PLB1: variants seen among roughly 807,000 people sequenced by gnomAD.
PLB1 encodes phospholipase B1, also known as phospholipase B1, membrane-associated.
A neutral mutation model predicts 227.4 loss-of-function variants in PLB1; 242 were observed. That is an observed-to-expected ratio of 1.06 (90% CI 0.96 to 1.18). The LOEUF is 1.18. Ranked by LOEUF, PLB1 falls within the 50% of genes most tolerant of loss-of-function variation. The pLI, the probability that PLB1 is intolerant of heterozygous loss-of-function variation, is 0.00. For synonymous variants in PLB1, 757 were observed against 682.2 expected (o/e 1.11, Z -1.71); for missense variants, 1,858 against 1,816.3 (o/e 1.02, Z -0.42).
chr2:28,503,725 A>G (rs752878557), intron 1 of PLB1, among the ~76,000 whole-genome samples: 10 of 152,078 alleles, frequency 6.6e-5, no homozygotes, highest in Non-Finnish European at 1.2e-4. Context: ...CGCAGTCTGG[A>G]CTTCTTTACA....
chr2:28,638,120 C>T (rs529288309), intron 56 of PLB1, among the ~76,000 whole-genome samples: 1 of 151,950 alleles, frequency 6.6e-6, no homozygotes, highest in East Asian at 1.9e-4. Flanking sequence ...GACTGCTACT[C>T]TCATGGGACA....
chr2:28,544,705 G>A (rs950317452), intron 14 of PLB1, among the ~76,000 whole-genome samples: 3 of 152,176 alleles, frequency 2.0e-5, no homozygotes, highest in African/African-American at 7.2e-5. Context: ...CATGAAGAGG[G>A]GATTTGAATG....
At position 28,547,777 on chromosome 2, in the gene PLB1, C is replaced by G. The variant is rs1673524467; in HGVS notation, c.937-1083C>G. On this transcript the variant is annotated intron_variant, in intron 14 of 57. Coordinates refer to ENST00000327757, the MANE Select transcript of PLB1 (RefSeq NM_153021.5). ...GCCCGTGCAGAAGAAAATCTGCAAT[C>G]CCTCCAAGCTATTGCATTTTTCTTT... Among the ~76,000 whole-genome samples the G allele has an allele frequency of 2.6e-5, 4 of 152,152 alleles. No individual in the cohort carries two copies. The South Asian group carries it at 8.3e-4, about 32-fold the overall frequency.
intron 46 of PLB1, 116 bp downstream of exon 46, chr2:28,618,515 G>T: frequency 9.3e-7 from 1 of 1,070,496 alleles, no homozygotes; most frequent in Non-Finnish European, 1.4e-6. Flanking sequence ...TGTTACTGAG[G>T]GCCTACCCAT....
chr2:28,538,927 C>T (rs1409951822), intron 10 of PLB1, among the ~76,000 whole-genome samples, 172 bp from the exon 11 acceptor site: 1 of 152,044 alleles, frequency 6.6e-6, no homozygotes, highest in Non-Finnish European at 1.5e-5. Flanking sequence ...GCAGGGCTGG[C>T]AGCGCAGACT....
intron 9 of PLB1, among the ~76,000 whole-genome samples, chr2:28,537,171 G>A (rs1390457376): frequency 6.6e-6 from 1 of 152,158 alleles, no homozygotes; most frequent in Non-Finnish European, 1.5e-5. Context: ...CCGGTGAAGG[G>A]GCAGAGAAAC....
intron 24 of PLB1, 134 bp from the exon 25 acceptor site, chr2:28,582,271 G>A (rs1680158570): frequency 1.7e-6 from 2 of 1,204,974 alleles, no homozygotes; most frequent in South Asian, 1.3e-5. Context: ...GGGGAGCAGG[G>A]ACGGGTGGAG....
At chr2:28,572,503 G>A (rs138474800) in intron 20 of PLB1, among the ~76,000 whole-genome samples, 173 of 152,274 alleles carry the variant, frequency 1.1e-3, no homozygotes, top group African/African-American at 4.0e-3. Context: ...TAACTCCAAA[G>A]CCCCATCAAC....
chr2:28,639,667 G>T (rs1276887464), intron 56 of PLB1, among the ~76,000 whole-genome samples: 2 of 152,224 alleles, frequency 1.3e-5, no homozygotes, highest in Non-Finnish European at 2.9e-5. Flanking sequence ...TCTTCTGTGT[G>T]AATTAGTTCT....
chr2:28,587,374 G>A (rs1329977412), intron 26 of PLB1, among the ~76,000 whole-genome samples: 1 of 152,174 alleles, frequency 6.6e-6, no homozygotes, highest in African/African-American at 2.4e-5. Flanking sequence ...CCAGCACTTT[G>A]GGAGACCAAG....
chr2:28,500,597 C>A (rs904086584), intron 1 of PLB1, among the ~76,000 whole-genome samples: 2 of 151,948 alleles, frequency 1.3e-5, no homozygotes, highest in African/African-American at 4.8e-5. Context: ...CCTTTTTTCC[C>A]CCACTTAAAT....
chr2:28,556,125 A>G (rs1572949330), intron 17 of PLB1, among the ~76,000 whole-genome samples: 1 of 152,108 alleles, frequency 6.6e-6, no homozygotes, highest in Non-Finnish European at 1.5e-5. Flanking sequence ...AGCCTCCCAT[A>G]GTGCTGGGAT....
chr2:28,514,447 GA>G (rs745392275), intron 1 of PLB1, among the ~76,000 whole-genome samples: 1 of 152,042 alleles, frequency 6.6e-6, no homozygotes, highest in Non-Finnish European at 1.5e-5. Context: ...ATAAATTTTA[GA>G]ATCAGTTTCT....
intron 17 of PLB1, among the ~76,000 whole-genome samples, chr2:28,558,596 G>T (rs1384073508): frequency 1.3e-5 from 2 of 152,188 alleles, no homozygotes; most frequent in African/African-American, 4.8e-5. Flanking sequence ...CTAACCACAT[G>T]GTGTAGCTGT....
In PLB1 at chr2:28,589,662, GC is replaced by G; in HGVS notation, c.1921-10del. ...TGTCTATAACTGCCTCTCTTTTTCT[GC>G]CCGGTGACCAGGAAGGATTGCCTGA... On this transcript the variant is annotated splice_polypyrimidine_tract_variant and intron_variant, in intron 27 of 57. Transcript: ENST00000327757. 1 of 1,613,608 alleles carries G rather than the reference GC, an allele frequency of 6.2e-7. No homozygotes were observed.
In PLB1 at chr2:28,598,567, T is replaced by C. The variant is rs1408696734; in HGVS notation, c.2366-85T>C. 4 of 1,047,464 alleles carry C rather than the reference T, an allele frequency of 3.8e-6. No homozygotes were observed. In the African/African-American group the frequency reaches 4.7e-5, roughly 12 times the overall value. The allele number at this position is 1,047,464 out of a possible 1,614,324, so 64.9% of individuals were successfully genotyped here. On this transcript the variant is annotated intron_variant, in intron 34 of 57. Coordinates refer to ENST00000327757, the MANE Select transcript of PLB1 (RefSeq NM_153021.5). Reference sequence around the variant, plus strand: ...ATGAGGATGATAACACAGCCCACTTTGGGGACCTAGGTCCCACAGTACCAG... The same window carrying C: ...ATGAGGATGATAACACAGCCCACTTCGGGGACCTAGGTCCCACAGTACCAG...
At chr2:28,499,242 T>C (rs2148151544) in intron 1 of PLB1, among the ~76,000 whole-genome samples, 1 of 152,274 alleles carries the variant, frequency 6.6e-6, no homozygotes, top group East Asian at 1.9e-4. Context: ...TTGCTGTTTT[T>C]GCCATTACTT....
Position 28,541,563 on chromosome 2 carries a change from A to G in PLB1, c.775-144A>G, listed in dbSNP as rs2148208613. 3 of 622,144 alleles carry G rather than the reference A, an allele frequency of 4.8e-6. No individual in the cohort carries two copies. In the Admixed American group the frequency reaches 8.5e-5, roughly 18 times the overall value. 38.5% of individuals were successfully genotyped at this position (622,144 alleles called of 1,614,324 possible). On this transcript the variant is annotated intron_variant, in intron 12 of 57. Coordinates refer to ENST00000327757, the MANE Select transcript of PLB1 (RefSeq NM_153021.5). ...ATCAAAGAGCCCTGAAGGGTGAGACAAGAGGGAGCTTCAGAATAGCACTTG... is the reference window on the plus strand; with the variant it reads ...ATCAAAGAGCCCTGAAGGGTGAGACGAGAGGGAGCTTCAGAATAGCACTTG...
chr2:28,567,670 C>T (rs1367254528), intron 20 of PLB1, among the ~76,000 whole-genome samples: 2 of 151,956 alleles, frequency 1.3e-5, no homozygotes, highest in African/African-American at 4.8e-5. Flanking sequence ...GACAGGGTTT[C>T]ACCATGTTGG....
Sources: allele counts gnomAD v4.1 joint callset (sites outside exome capture counted in the v4.1 genomes callset), GRCh38; gene constraint gnomAD v4.1.1; transcripts MANE v1.5; gene names NCBI Gene and HGNC (gene_info 2026-07-23, HGNC 2026-07-21).